DLK1: variants seen among roughly 807,000 people sequenced by gnomAD.
DLK1 encodes protein delta homolog 1.
DLK1 carries 9 observed loss-of-function variants against 35.2 expected under a neutral mutation model. The ratio of observed to expected loss-of-function variants is 0.26; its 90% CI spans 0.15 to 0.45. The LOEUF (loss-of-function observed/expected upper bound fraction) is 0.45. DLK1 is among the 20% of genes least tolerant of loss of function. DLK1 has a pLI of 1.00. For synonymous variants in DLK1, 231 were observed against 228.4 expected (o/e 1.01, Z -0.10); for missense variants, 522 against 528.5 (o/e 0.99, Z 0.12).
intron 2 of DLK1, 168 bp downstream of exon 2, chr14:100,728,627 G>GA: frequency 3.9e-6 from 1 of 257,340 alleles, no homozygotes; most frequent in South Asian, 4.3e-5. Context: ...GGGGGGGCGG[G>GA]GGGGGGGCAG....
chr14:100,729,448 TAA>T (rs1331053127), intron 3 of DLK1, among the ~76,000 whole-genome samples: 1 of 151,332 alleles, frequency 6.6e-6, no homozygotes, highest in Non-Finnish European at 1.5e-5. Flanking sequence ...ATCTCAGAGC[TAA>T]GACTCCCTAG....
intron 3 of DLK1, among the ~76,000 whole-genome samples, chr14:100,731,745 C>T (rs906387832): frequency 2.6e-5 from 4 of 152,162 alleles, no homozygotes; most frequent in Admixed American, 6.5e-5. Flanking sequence ...CCACAGTGAA[C>T]GTCACGGACA....
At chr14:100,731,576 G>A (rs1024745272) in intron 3 of DLK1, among the ~76,000 whole-genome samples, 1 of 152,092 alleles carries the variant, frequency 6.6e-6, no homozygotes. Context: ...GGAAAAGTAT[G>A]AAGAGCTGGT....
intron 1 of DLK1, 112 bp downstream of exon 1, chr14:100,727,247 C>A (rs2036446399): frequency 1.8e-5 from 21 of 1,140,832 alleles, no homozygotes; most frequent in Middle Eastern, 2.8e-4. Context: ...CCGCCCGTCC[C>A]GCCTAGCCCT....
intron 3 of DLK1, among the ~76,000 whole-genome samples, chr14:100,730,495 C>T (rs1215041063): frequency 1.3e-5 from 2 of 152,034 alleles, no homozygotes; most frequent in Non-Finnish European, 2.9e-5. Context: ...CCCTTTTTGC[C>T]CATCTTTGAG....
rs1450173469 is a variant in DLK1, at chr14:100,735,812, C to T, written c.*916C>T. On this transcript the variant is annotated 3_prime_UTR_variant, in exon 5 of 5. Coordinates refer to ENST00000341267, the MANE Select transcript of DLK1 (RefSeq NM_003836.7). ...ACTTCCCTTTTGGGAAAAAATAGCC[C>T]CTTTGAGTCATAATGTGCCATCTGG... 1 of 152,178 alleles carries T rather than the reference C, an allele frequency of 6.6e-6. No individual in the cohort carries two copies. Among genetic ancestry groups the T allele is most frequent in the Middle Eastern group, 3.4e-3 (1 of 296 alleles). The allele number at this position is 152,178 out of a possible 1,614,324, so 9.4% of individuals were successfully genotyped here. A position where few individuals can be genotyped will look rare whatever the true frequency, so the allele number is the denominator to read the frequency against.
intron 3 of DLK1, 22 bp from the exon 4 acceptor site, chr14:100,732,020 C>T (rs113492306): frequency 6.6e-5 from 105 of 1,600,428 alleles, no homozygotes; most frequent in African/African-American, 3.1e-4. Context: ...GCTAAGTTCT[C>T]GTCTTCCCCG....
rs774970009 is a variant in DLK1, at chr14:100,732,101, G to C, written c.322G>C (p.Asp108His). 1 of 1,613,984 alleles carries C rather than the reference G, an allele frequency of 6.2e-7. No individual in the cohort carries two copies. ...CAACAGGACCTGCGTGAGCCTGGAC[G>C]ATGGCCTCTATGAATGCTCCTGTGC... ...ANNRTCVSLD[D>H]GLYECSCAPG... Residue 108 changes from aspartate to histidine, a missense_variant, in exon 4 of 5, where the codon GAT (aspartate) becomes CAT (histidine). By Grantham distance (81) the Asp-to-His change is moderately conservative. Transcript: ENST00000341267.
Position 100,735,082 on chromosome 14 carries a change from T to C in DLK1, c.*186T>C. On this transcript the variant is annotated 3_prime_UTR_variant, in exon 5 of 5. Coordinates refer to ENST00000341267, the MANE Select transcript of DLK1 (RefSeq NM_003836.7). Reference sequence around the variant, plus strand: ...CAAAAACAATCCTCTTTCTCTCTCTTAATGCATGATACAGAATAATAATAA... The same window carrying C: ...CAAAAACAATCCTCTTTCTCTCTCTCAATGCATGATACAGAATAATAATAA... 1 of 589,100 alleles carries C rather than the reference T, an allele frequency of 1.7e-6. No homozygotes were observed. The highest frequency in any genetic ancestry group is 2.7e-6 in the Non-Finnish European group (1 of 364,482). The allele number at this position is 589,100 out of a possible 1,614,324, so 36.5% of individuals were successfully genotyped here.
In DLK1 at chr14:100,732,037, C is replaced by A. The variant is rs199974171; in HGVS notation, c.263-5C>A. 1 of 1,610,318 alleles carries A rather than the reference C, an allele frequency of 6.2e-7. No individual in the cohort carries two copies. Among genetic ancestry groups the A allele is most frequent in the Admixed American group, 1.7e-5 (1 of 59,458 alleles). On this transcript the variant is annotated splice_polypyrimidine_tract_variant and splice_region_variant and intron_variant, in intron 3 of 4. Transcript: ENST00000341267. ...TAAGTTCTCGTCTTCCCCGTCACCC[C>A]GCAGATGTTCGGGCCTGCTCCTCGG...
rs1017980651 is a variant in DLK1 at position 100,736,359 on chromosome 14, C to A, written c.*1463C>A. 3 of 152,056 alleles carry A rather than the reference C, an allele frequency of 2.0e-5. No individual in the cohort carries two copies. The highest frequency in any genetic ancestry group is 7.3e-5 in the African/African-American group (3 of 41,350). 9.4% of individuals were successfully genotyped at this position (152,056 alleles called of 1,614,324 possible). On this transcript the variant is annotated 3_prime_UTR_variant, in exon 5 of 5. Coordinates refer to ENST00000341267, the MANE Select transcript of DLK1 (RefSeq NM_003836.7). ...TACTCTTAGCTTTATTGAGCATTGC[C>A]TGCCGTGTTTACCTTGCTCCAGGTG...
Position 100,734,019 on chromosome 14 carries a change from A to G in DLK1, c.405-130A>G, listed in dbSNP as rs571596358. ...CTGGCGTTCCCTCCCTCGCTCCCTCATTCACCTGATGTGTTTTAAGCACCT... is the reference window on the plus strand; with the variant it reads ...CTGGCGTTCCCTCCCTCGCTCCCTCGTTCACCTGATGTGTTTTAAGCACCT... On this transcript the variant is annotated intron_variant, in intron 4 of 4. Transcript: ENST00000341267. This position sits in a 1 kb window ranked among gnomAD's most constrained non-coding sequence, Gnocchi z 7.4. The G allele has an allele frequency of 1.1e-3, 1,316 of 1,209,322 alleles. 25 individuals carry two copies. The South Asian group carries it at 0.023, about 21-fold the overall frequency. The allele number at this position is 1,209,322 out of a possible 1,614,324, so 74.9% of individuals were successfully genotyped here. A position where few individuals can be genotyped will look rare whatever the true frequency, so the allele number is the denominator to read the frequency against.
Position 100,735,186 on chromosome 14 carries a change from C to CA in DLK1, c.*299dup, listed in dbSNP as rs1216378905. 884 of 289,226 alleles carry CA rather than the reference C, an allele frequency of 3.1e-3. 3 individuals are homozygous for CA. The highest frequency in any genetic ancestry group is 4.6e-3 in the African/African-American group (208 of 44,972). 17.9% of individuals were successfully genotyped at this position (289,226 alleles called of 1,614,324 possible). On this transcript the variant is annotated 3_prime_UTR_variant, in exon 5 of 5. Transcript: ENST00000341267. Reference sequence around the variant, plus strand: ...ACTCAAATGAAATTTCAAAAAAGACCAAAAAAAAACAAGGCAACAGAACCA... The same window carrying CA: ...ACTCAAATGAAATTTCAAAAAAGACCAAAAAAAAAACAAGGCAACAGAACCA...
At position 100,734,810 on chromosome 14, in the gene DLK1, G is replaced by A. The variant is rs146800507; in HGVS notation, c.1066G>A (p.Gly356Arg). 75 of 1,613,718 alleles carry A rather than the reference G, an allele frequency of 4.6e-5. No individual in the cohort carries two copies. The highest frequency in any genetic ancestry group is 6.1e-5 in the Non-Finnish European group (72 of 1,179,982). The change falls in exon 5 of 5, where the codon GGG (glycine) becomes AGG (arginine). Residue 356 changes from glycine (G) to arginine (R), a missense_variant. Transcript: ENST00000341267. The surrounding 1 kb of genome is among the most constrained non-coding windows in gnomAD (Gnocchi z 7.4). ...KKNLLLQYNS[G>R]EDLAVNIIFP... is the part of the protein sequence containing the mutation. Reference sequence around the variant, plus strand: ...GAACCTGCTGCTTCAGTACAACAGCGGGGAGGACCTGGCCGTCAACATCAT... The same window carrying A: ...GAACCTGCTGCTTCAGTACAACAGCAGGGAGGACCTGGCCGTCAACATCAT...
intron 3 of DLK1, 124 bp from the exon 4 acceptor site, chr14:100,731,918 C>G: frequency 7.8e-7 from 1 of 1,281,346 alleles, no homozygotes; most frequent in East Asian, 2.7e-5. Flanking sequence ...GAGGGGGCTC[C>G]CTAAACCCTC....
At chr14:100,729,252 G>T (rs2036479292) in intron 3 of DLK1, 186 bp downstream of exon 3, 1 of 1,063,136 alleles carries the variant, frequency 9.4e-7, no homozygotes, top group East Asian at 2.6e-5. Flanking sequence ...TCAGAGGTAG[G>T]GACTTTATTT....
chr14:100,733,597 G>A (rs1435895541), intron 4 of DLK1, among the ~76,000 whole-genome samples: 1 of 151,656 alleles, frequency 6.6e-6, no homozygotes, highest in Non-Finnish European at 1.5e-5. Flanking sequence ...AATAATGAGG[G>A]TTGGCGGCAA....
chr14:100,732,286 T>A, intron 4 of DLK1, 103 bp downstream of exon 4: 1 of 1,505,706 alleles, frequency 6.6e-7, no homozygotes, highest in Non-Finnish European at 8.9e-7. Flanking sequence ...TGACAAAAGA[T>A]GAAGTAAGCG....
In DLK1 at chr14:100,726,892, G is replaced by C. The variant is rs1422411219; in HGVS notation, c.-177G>C. On this transcript the variant is annotated 5_prime_UTR_variant, in exon 1 of 5. Coordinates refer to ENST00000341267, the MANE Select transcript of DLK1 (RefSeq NM_003836.7). The surrounding 1 kb of genome is among the most constrained non-coding windows in gnomAD (Gnocchi z 4.2). ...AAAGGGCGGCGCGCGCGGCGGCGGC[G>C]GCAGCTCCCCGGCAGCGGCGGTGGA... is the stretch of plus-strand genomic sequence containing the variant. The C allele has an allele frequency of 1.8e-4, 75 of 414,958 alleles. 2 individuals are homozygous for C. The East Asian group carries it at 3.7e-3, about 21-fold the overall frequency. 25.7% of individuals were successfully genotyped at this position (414,958 alleles called of 1,614,324 possible).
Sources: allele counts gnomAD v4.1 joint callset (sites outside exome capture counted in the v4.1 genomes callset), GRCh38; gene constraint gnomAD v4.1.1; non-coding constraint Gnocchi (gnomAD v3.1); transcripts MANE v1.5; gene names NCBI Gene and HGNC (gene_info 2026-07-23, HGNC 2026-07-21).